SRC: variants seen among roughly 807,000 people sequenced by gnomAD.
SRC encodes SRC proto-oncogene, non-receptor tyrosine kinase, also known as proto-oncogene tyrosine-protein kinase Src.
A neutral mutation model predicts 62.9 loss-of-function variants in SRC; 13 were observed. The ratio of observed to expected loss-of-function variants is 0.21; its 90% confidence interval spans 0.13 to 0.33. The LOEUF (loss-of-function observed/expected upper bound fraction) is 0.33, where lower values mean the gene tolerates loss of function less well. SRC is among the 10% of genes least tolerant of loss of function. SRC has a pLI of 1.00. For missense variants in SRC, 457 were observed against 737.3 expected, an observed-to-expected ratio of 0.62 and a Z score of 4.40; for synonymous variants, 302 against 317.5, an observed-to-expected ratio of 0.95 and a Z score of 0.52.
chr20:37,353,272 C>T (rs550378482), intron 1 of SRC, among the ~76,000 whole-genome samples: 2 of 152,220 alleles, frequency 1.3e-5, no homozygotes, highest in African/African-American at 4.8e-5. Flanking sequence ...GAACTGGACT[C>T]TTTCCCCACT....
At position 37,354,366 on chromosome 20, in the gene SRC, T is replaced by G. The variant is rs183072378; in HGVS notation, c.-247+8111T>G. Among the ~76,000 whole-genome samples, 5 of 152,226 alleles carry G rather than the reference T, an allele frequency of 3.3e-5. No individual in the cohort carries two copies. In the East Asian group the frequency reaches 9.7e-4, roughly 29 times the overall value. On this transcript the variant is annotated intron_variant, in intron 1 of 13. Coordinates refer to ENST00000373578, the MANE Select transcript of SRC (RefSeq NM_198291.3). ...TTATCTGGGAAATGAGGGTAACAAG[T>G]GTGCACCCGGTGGGGCTGGGGTGGG... is the stretch of plus-strand genomic sequence containing the variant.
Position 37,396,857 on chromosome 20 carries a change from C to G in SRC, c.703+546C>G, listed in dbSNP as rs1432333274. Reference sequence around the variant, plus strand: ...GACTGCAGTGTCGGGCCTGTGGGTGCCTGTGTGCCCGTGTGTCTGTGGCAC... The same window carrying G: ...GACTGCAGTGTCGGGCCTGTGGGTGGCTGTGTGCCCGTGTGTCTGTGGCAC... On this transcript the variant is annotated intron_variant, in intron 8 of 13. Transcript: ENST00000373578. This position sits in a 1 kb window ranked among gnomAD's most constrained non-coding sequence, Gnocchi z 6.1. 6.3e-6 allele frequency: 1 copy of G among 159,328 alleles called. No individual in the cohort carries two copies. The highest frequency in any genetic ancestry group is 2.4e-5 in the African/African-American group (1 of 41,544). 9.9% of individuals were successfully genotyped at this position (159,328 alleles called of 1,614,324 possible).
intron 2 of SRC, among the ~76,000 whole-genome samples, chr20:37,372,986 T>A (rs907269824): frequency 1.3e-5 from 2 of 152,114 alleles, no homozygotes; most frequent in African/African-American, 4.8e-5. Flanking sequence ...TTCAGAGATA[T>A]GAAAATTCAT....
intron 1 of SRC, among the ~76,000 whole-genome samples, chr20:37,349,355 A>G (rs1475809559): frequency 6.6e-6 from 1 of 152,130 alleles, no homozygotes; most frequent in Non-Finnish European, 1.5e-5. Flanking sequence ...GGAGTGAGGT[A>G]GGGAGCAGGG....
At chr20:37,361,467 G>T (rs2069968704) in intron 1 of SRC, among the ~76,000 whole-genome samples, 1 of 152,198 alleles carries the variant, frequency 6.6e-6, no homozygotes. Context: ...CTCAGGCTGG[G>T]CCGTGTGGAG....
In SRC at chr20:37,403,554, G is replaced by A. The variant is rs924910805; in HGVS notation, c.*175G>A. On this transcript the variant is annotated 3_prime_UTR_variant, in exon 14 of 14. Coordinates refer to ENST00000373578, the MANE Select transcript of SRC (RefSeq NM_198291.3). This position sits in a 1 kb window ranked among gnomAD's most constrained non-coding sequence, Gnocchi z 7.1. ...GGAAGGGGCTTCTGGACCTAGGGTGGCCTGAGAGGGCGGTGGGTATGCGAG... is the reference window on the plus strand; with the variant it reads ...GGAAGGGGCTTCTGGACCTAGGGTGACCTGAGAGGGCGGTGGGTATGCGAG... 6 of 721,332 alleles carry A rather than the reference G, an allele frequency of 8.3e-6. No homozygotes were observed. Among genetic ancestry groups the A allele is most frequent in the African/African-American group, 1.8e-5 (1 of 56,104 alleles). The allele number at this position is 721,332 out of a possible 1,614,324, so 44.7% of individuals were successfully genotyped here.
chr20:37,373,099 T>C (rs993754245), intron 2 of SRC, among the ~76,000 whole-genome samples: 12 of 139,806 alleles, frequency 8.6e-5, no homozygotes, highest in Admixed American at 1.3e-4. Context: ...TAAATACATA[T>C]ACACATATAT....
chr20:37,345,265 G>A (rs1012415156), upstream of SRC, among the ~76,000 whole-genome samples: 8 of 152,138 alleles, frequency 5.3e-5, no homozygotes, highest in Admixed American at 3.3e-4. Flanking sequence ...AGCCCCAAAA[G>A]GATAGCCCTG....
At position 37,384,474 on chromosome 20, in the gene SRC, C is replaced by A; in HGVS notation, c.250+71C>A. The stretch of plus-strand genomic sequence containing the variant: ...GCGGGGAGGCGGCGGGGCTGTGTGC[C>A]CGGGGTCGCCCCCTCTGCGCAGGCC... On this transcript the variant is annotated intron_variant, in intron 4 of 13. Transcript: ENST00000373578. The surrounding 1 kb of genome is among the most constrained non-coding windows in gnomAD (Gnocchi z 6.7). 2 of 1,277,958 alleles carry A rather than the reference C, an allele frequency of 1.6e-6. No individual in the cohort carries two copies. Among genetic ancestry groups the A allele is most frequent in the South Asian group, 5.1e-5 (2 of 39,380 alleles). 79.2% of individuals were successfully genotyped at this position (1,277,958 alleles called of 1,614,324 possible). A position where few individuals can be genotyped will look rare whatever the true frequency, so the allele number is the denominator to read the frequency against.
In SRC at chr20:37,404,182, T is replaced by G. The variant is rs535721580; in HGVS notation, c.*803T>G. 2 of 233,656 alleles carry G rather than the reference T, an allele frequency of 8.6e-6. No individual in the cohort carries two copies. The highest frequency in any genetic ancestry group is 4.4e-5 in the African/African-American group (2 of 45,380). The allele number at this position is 233,656 out of a possible 1,614,324, so 14.5% of individuals were successfully genotyped here. A position where few individuals can be genotyped will look rare whatever the true frequency, so the allele number is the denominator to read the frequency against. The stretch of plus-strand genomic sequence containing the variant: ...TTCGTCGGAGGCATCATGGAAAGAC[T>G]GGGACAGCCCAGGAAACAAGGGGTC... On this transcript the variant is annotated 3_prime_UTR_variant, in exon 14 of 14. Transcript: ENST00000373578.
Position 37,396,409 on chromosome 20 carries a change from A to G in SRC, c.703+98A>G. 7.0e-7 allele frequency: 1 copy of G among 1,430,502 alleles called. No homozygotes were observed. The highest frequency in any genetic ancestry group is 9.5e-7 in the Non-Finnish European group (1 of 1,051,546). The allele number at this position is 1,430,502 out of a possible 1,614,324, so 88.6% of individuals were successfully genotyped here. On this transcript the variant is annotated intron_variant, in intron 8 of 13. Coordinates refer to ENST00000373578, the MANE Select transcript of SRC (RefSeq NM_198291.3). The surrounding 1 kb of genome is among the most constrained non-coding windows in gnomAD (Gnocchi z 6.1). Reference sequence around the variant, plus strand: ...GCCTAGAAGGGTGGGGACTTCTGTTATCCTGCTTCTCTCCCCACTTCCCCC... The same window carrying G: ...GCCTAGAAGGGTGGGGACTTCTGTTGTCCTGCTTCTCTCCCCACTTCCCCC...
intron 3 of SRC, among the ~76,000 whole-genome samples, chr20:37,383,465 C>A (rs1376181051): frequency 2.0e-5 from 3 of 152,152 alleles, no homozygotes; most frequent in Non-Finnish European, 4.4e-5. Context: ...CTCAATGAGC[C>A]CCCTCCATGT....
rs2070424583 is a variant in SRC, at chr20:37,384,749, A to G, written c.250+346A>G. Among the ~76,000 whole-genome samples, 1 of 152,016 alleles carries G rather than the reference A, an allele frequency of 6.6e-6. No homozygotes were observed. The highest frequency in any genetic ancestry group is 2.1e-4 in the South Asian group (1 of 4,824). On this transcript the variant is annotated intron_variant, in intron 4 of 13. Coordinates refer to ENST00000373578, the MANE Select transcript of SRC (RefSeq NM_198291.3). This position sits in a 1 kb window ranked among gnomAD's most constrained non-coding sequence, Gnocchi z 6.7. ...TTTCGTTGCCTGGGTCCGCCCAGAG[A>G]TGAGTCGGGACGCGCGGCCCACGTG...
At chr20:37,357,089 G>GT (rs1568619250) in intron 1 of SRC, among the ~76,000 whole-genome samples, 1 of 152,190 alleles carries the variant, frequency 6.6e-6, no homozygotes, top group Non-Finnish European at 1.5e-5. Context: ...GGCTGTGGGG[G>GT]GCGGCTTCCG....
chr20:37,366,033 T>G (rs2070058276), intron 2 of SRC, among the ~76,000 whole-genome samples: 1 of 152,222 alleles, frequency 6.6e-6, no homozygotes, highest in Non-Finnish European at 1.5e-5. Flanking sequence ...TTCCACTGCA[T>G]GTATGGTAGT....
chr20:37,347,018 C>T (rs2069732832), intron 1 of SRC, among the ~76,000 whole-genome samples: 1 of 152,278 alleles, frequency 6.6e-6, no homozygotes, highest in Non-Finnish European at 1.5e-5. Flanking sequence ...CCTCTCTGAG[C>T]TGGGTTCCTC....
chr20:37,371,318 T>C (rs185254944), intron 2 of SRC, among the ~76,000 whole-genome samples: 1 of 152,166 alleles, frequency 6.6e-6, no homozygotes, highest in Non-Finnish European at 1.5e-5. Flanking sequence ...TTTGATAATT[T>C]GTGTTTTTTT....
chr20:37,358,648 A>T (rs1380516233), intron 1 of SRC, among the ~76,000 whole-genome samples: 1 of 152,238 alleles, frequency 6.6e-6, no homozygotes, highest in Non-Finnish European at 1.5e-5. Flanking sequence ...CAGGCCAGGG[A>T]TTGGGGTCTG....
At chr20:37,378,412 A>C (rs913773870) in intron 2 of SRC, among the ~76,000 whole-genome samples, 3 of 152,134 alleles carry the variant, frequency 2.0e-5, no homozygotes, top group Non-Finnish European at 4.4e-5. Context: ...CCAGTACCAC[A>C]TTAAGCCCAC....
Sources: gnomAD v4.1 joint callset for allele counts (sites outside exome capture counted in the v4.1 genomes callset) on GRCh38, gnomAD v4.1.1 for gene constraint, Gnocchi (gnomAD v3.1) non-coding constraint, MANE v1.5 for transcripts, NCBI Gene and HGNC (gene_info 2026-07-23, HGNC 2026-07-21) for gene names.